The following DCAF7 variants were observed in gnomAD, a reference collection of about 807,000 sequenced individuals.
The protein encoded by DCAF7 is DDB1 and CUL4 associated factor 7.
DCAF7 carries 4 observed loss-of-function variants against 41.2 expected under a neutral mutation model. The observed-to-expected ratio is 0.10, with a 90% CI of 0.05 to 0.22. DCAF7 has a LOEUF of 0.22. Ranked by LOEUF, DCAF7 falls within the 10% of genes least tolerant of loss-of-function variation. DCAF7 has a pLI of 1.00. For synonymous variants in DCAF7, 143 were observed against 164.2 expected (o/e 0.87, Z 0.99); for missense variants, 131 against 443.2 (o/e 0.30, Z 6.32).
chr17:63,572,724 A>G (rs974814880), intron 1 of DCAF7, among the ~76,000 whole-genome samples: 1 of 152,116 alleles, frequency 6.6e-6, no homozygotes, highest in Admixed American at 6.6e-5. Flanking sequence ...GAATATATAA[A>G]TATCTGGCTC....
chr17:63,578,656 A>G (rs773944750), intron 2 of DCAF7, 28 bp downstream of exon 2: 2 of 1,613,636 alleles, frequency 1.2e-6, no homozygotes, highest in African/African-American at 1.3e-5. Context: ...TAGCAGCCAG[A>G]CAAGTGGGCT....
intron 1 of DCAF7, among the ~76,000 whole-genome samples, chr17:63,570,814 T>G (rs922283322): frequency 6.6e-6 from 1 of 152,230 alleles, no homozygotes; most frequent in South Asian, 2.1e-4. Context: ...TTAGACAGAT[T>G]TATTTGTATT....
intron 5 of DCAF7, 93 bp downstream of exon 5, chr17:63,583,804 C>T: frequency 7.7e-7 from 1 of 1,297,604 alleles, no homozygotes; most frequent in Non-Finnish European, 1.1e-6. Flanking sequence ...AGCAGTTTGG[C>T]TCCCGGAGTA....
At chr17:63,571,216 T>G (rs545409150) in intron 1 of DCAF7, among the ~76,000 whole-genome samples, 36 of 151,766 alleles carry the variant, frequency 2.4e-4, no homozygotes, top group Admixed American at 6.6e-5. Flanking sequence ...AATTGATATA[T>G]TGTGTAAAGG....
At chr17:63,572,060 C>G (rs1001556156) in intron 1 of DCAF7, among the ~76,000 whole-genome samples, 4 of 152,042 alleles carry the variant, frequency 2.6e-5, no homozygotes, top group African/African-American at 9.7e-5. Context: ...GATTAGTCAC[C>G]AAACAGATGT....
Position 63,590,567 on chromosome 17 carries a change from T to A in DCAF7, c.*1395T>A, listed in dbSNP as rs2033723911. 3.9e-5 allele frequency: 6 copies of A among 152,774 alleles called. No individual in the cohort carries two copies. In the South Asian group the frequency reaches 1.0e-3, roughly 26 times the overall value. The allele number at this position is 152,774 out of a possible 1,614,324, so 9.5% of individuals were successfully genotyped here. A position where few individuals can be genotyped will look rare whatever the true frequency, so the allele number is the denominator to read the frequency against. On this transcript the variant is annotated 3_prime_UTR_variant, in exon 7 of 7. Transcript: ENST00000614556. Reference sequence around the variant, plus strand: ...GACTTGCAGGCCGCAGGTGTCTTTCTGTTATGTGAATGAGTTCCATGGAGG... The same window carrying A: ...GACTTGCAGGCCGCAGGTGTCTTTCAGTTATGTGAATGAGTTCCATGGAGG...
At chr17:63,562,182 AT>A (rs2033389806) in intron 1 of DCAF7, among the ~76,000 whole-genome samples, 1 of 152,240 alleles carries the variant, frequency 6.6e-6, no homozygotes, top group Non-Finnish European at 1.5e-5. Flanking sequence ...GAAATATGTG[AT>A]AAGATAGAAC....
At chr17:63,554,948 T>C (rs2147756991) in intron 1 of DCAF7, among the ~76,000 whole-genome samples, 1 of 152,336 alleles carries the variant, frequency 6.6e-6, no homozygotes, top group South Asian at 2.1e-4. Flanking sequence ...CCCTTATCTC[T>C]TTCAACCCAA....
chr17:63,573,085 G>A (rs1020443681), intron 1 of DCAF7, among the ~76,000 whole-genome samples: 1 of 151,970 alleles, frequency 6.6e-6, no homozygotes, highest in African/African-American at 2.4e-5. Flanking sequence ...TCTTTATTCT[G>A]CCCAATGAGC....
chr17:63,570,690 A>G (rs2033497377), intron 1 of DCAF7, among the ~76,000 whole-genome samples: 1 of 152,120 alleles, frequency 6.6e-6, no homozygotes, highest in Non-Finnish European at 1.5e-5. Context: ...CATTATTAGG[A>G]TATATATTGA....
chr17:63,575,773 G>C (rs11652583), intron 1 of DCAF7, among the ~76,000 whole-genome samples: 1,573 of 152,340 alleles, frequency 0.01, 7 homozygotes, highest in Non-Finnish European at 0.016. Flanking sequence ...TAAGATGTCA[G>C]TTCTCCCCAG....
chr17:63,570,849 G>A lies in DCAF7; in HGVS notation c.139-7621G>A, dbSNP rs139487778. ...TGGCACCAGCATGAAAAAGAAAATT[G>A]TCATGCAGAATATGATTGGAAAAAA... is the stretch of plus-strand genomic sequence containing the variant. On this transcript the variant is annotated intron_variant, in intron 1 of 6. Coordinates refer to ENST00000614556, the MANE Select transcript of DCAF7 (RefSeq NM_005828.5). Among the ~76,000 whole-genome samples, 1,349 of 152,298 alleles carry A rather than the reference G, an allele frequency of 8.9e-3. 18 individuals are homozygous for A. The highest frequency in any genetic ancestry group is 0.031 in the Middle Eastern group (9 of 294).
chr17:63,573,994 C>T (rs940443979), intron 1 of DCAF7, among the ~76,000 whole-genome samples: 1 of 152,128 alleles, frequency 6.6e-6, no homozygotes, highest in Admixed American at 6.5e-5. Context: ...ACACCTTCAT[C>T]GGGGGAAGGT....
At position 63,575,885 on chromosome 17, in the gene DCAF7, A is replaced by G. The variant is rs28800622; in HGVS notation, c.139-2585A>G. On this transcript the variant is annotated intron_variant, in intron 1 of 6. Transcript: ENST00000614556. ...AATGTACATGGAAAAGCAAAAGTAG[A>G]GAATAGCAAAACAATTTTGAAACAG... Among the ~76,000 whole-genome samples the G allele has an allele frequency of 3.6e-3, 552 of 152,360 alleles. 6 individuals carry two copies. Among genetic ancestry groups the G allele is most frequent in the African/African-American group, 0.013 (522 of 41,584 alleles).
At chr17:63,568,852 A>G (rs2033474131) in intron 1 of DCAF7, among the ~76,000 whole-genome samples, 1 of 152,152 alleles carries the variant, frequency 6.6e-6, no homozygotes, top group Non-Finnish European at 1.5e-5. Flanking sequence ...CTCGCTATGT[A>G]TGCCAGCTTT....
chr17:63,574,072 C>T (rs762957927), intron 1 of DCAF7, among the ~76,000 whole-genome samples: 4 of 152,174 alleles, frequency 2.6e-5, no homozygotes, highest in Non-Finnish European at 5.9e-5. Context: ...CCGCTGCACT[C>T]CCACGTGGCT....
rs902999876 is a variant in DCAF7, at chr17:63,593,074, C to G, written c.*3902C>G. The G allele has an allele frequency of 6.6e-6, 1 of 152,454 alleles. No homozygotes were observed. Among genetic ancestry groups the G allele is most frequent in the African/African-American group, 2.4e-5 (1 of 41,418 alleles). 9.4% of individuals were successfully genotyped at this position (152,454 alleles called of 1,614,324 possible). ...TTCCCCACTTTGAGAATATGGCAGC[C>G]CCTTTCATTCCTGGCTTGGGGTAGG... On this transcript the variant is annotated 3_prime_UTR_variant, in exon 7 of 7. Transcript: ENST00000614556.
At chr17:63,583,479 T>A (rs922683092) in intron 4 of DCAF7, 23 bp from the exon 5 acceptor site, 2 of 1,606,242 alleles carry the variant, frequency 1.2e-6, no homozygotes, top group Non-Finnish European at 8.5e-7. Flanking sequence ...TGAATCTGAC[T>A]GGAGCTTCTT....
rs533611464 is a variant in DCAF7, at chr17:63,593,092, G to A, written c.*3920G>A. The A allele has an allele frequency of 2.0e-5, 3 of 152,568 alleles. No individual in the cohort carries two copies. Among genetic ancestry groups the A allele is most frequent in the Non-Finnish European group, 4.4e-5 (3 of 68,226 alleles). The allele number at this position is 152,568 out of a possible 1,614,324, so 9.5% of individuals were successfully genotyped here. A position where few individuals can be genotyped will look rare whatever the true frequency, so the allele number is the denominator to read the frequency against. On this transcript the variant is annotated 3_prime_UTR_variant, in exon 7 of 7. Transcript: ENST00000614556. ...TGGCAGCCCCTTTCATTCCTGGCTTGGGGTAGGGGAGACCATTGAAGTAGA... is the reference window on the plus strand; with the variant it reads ...TGGCAGCCCCTTTCATTCCTGGCTTAGGGTAGGGGAGACCATTGAAGTAGA...
Sources: gnomAD v4.1 joint callset for allele counts (sites outside exome capture counted in the v4.1 genomes callset) on GRCh38, gnomAD v4.1.1 for gene constraint, MANE v1.5 for transcripts, NCBI Gene and HGNC (gene_info 2026-07-23, HGNC 2026-07-21) for gene names.